Variants in SUMF1 observed in about 807,000 individuals in gnomAD.
The protein encoded by SUMF1 is sulfatase modifying factor 1.
A neutral mutation model predicts 47.6 loss-of-function variants in SUMF1; 48 were observed. The observed-to-expected ratio is 1.01, with a 90% confidence interval of 0.80 to 1.28. The LOEUF is 1.28. Ranked by LOEUF, SUMF1 falls within the 50% of genes most tolerant of loss-of-function variation. The pLI is 0.00. For synonymous variants in SUMF1, 230 were observed against 192.1 expected (o/e 1.20, Z -1.63); for missense variants, 571 against 485.4 (o/e 1.18, Z -1.66).
At chr3:4,162,281 A>T (rs565091358) in intron 8 of SUMF1, among the ~76,000 whole-genome samples, 1 of 152,190 alleles carries the variant, frequency 6.6e-6, no homozygotes, top group South Asian at 2.1e-4. Flanking sequence ...AGGTTGGGGG[A>T]GGAGTGGTAA....
In SUMF1 at chr3:4,366,361, C is replaced by A. The variant is rs186585775; in HGVS notation, c.1015-4107G>T. ...GTCACTTTCAGGTACACCCATCAGA[C>A]GTAGATTTGGTCTTTTCACATAGTC... is the stretch of plus-strand genomic sequence containing the variant. On this transcript the variant is annotated intron_variant, in intron 8 of 8. Coordinates refer to ENST00000272902, the MANE Select transcript of SUMF1 (RefSeq NM_182760.4). Among the ~76,000 whole-genome samples the A allele has an allele frequency of 6.5e-4, 99 of 152,284 alleles. 1 individual carries two copies. In the South Asian group the frequency reaches 0.02, roughly 31 times the overall value.
At chr3:4,035,268 C>T (rs918535373) in intron 9 of SUMF1, among the ~76,000 whole-genome samples, 2 of 152,120 alleles carry the variant, frequency 1.3e-5, no homozygotes, top group Non-Finnish European at 2.9e-5. Context: ...GGCTGGAAGT[C>T]TGAAATCAAG....
intron 8 of SUMF1, among the ~76,000 whole-genome samples, chr3:4,219,751 A>G (rs1381853108): frequency 6.6e-6 from 1 of 152,146 alleles, no homozygotes; most frequent in African/African-American, 2.4e-5. Flanking sequence ...TTAAAAATAT[A>G]AATTCCTGGG....
chr3:4,424,990 C>CAGAT (rs1421153333), intron 3 of SUMF1, among the ~76,000 whole-genome samples: 1 of 152,194 alleles, frequency 6.6e-6, no homozygotes, highest in Non-Finnish European at 1.5e-5. Flanking sequence ...CTCTACCCAC[C>CAGAT]AGATGCCAGT....
chr3:4,156,100 G>A (rs749140525), intron 8 of SUMF1, among the ~76,000 whole-genome samples: 3 of 151,488 alleles, frequency 2.0e-5, no homozygotes, highest in Non-Finnish European at 4.4e-5. Flanking sequence ...ACAGCAAAAT[G>A]CCATTGCCTT....
intron 2 of SUMF1, among the ~76,000 whole-genome samples, chr3:4,450,387 C>T (rs914126326): frequency 3.9e-5 from 6 of 152,152 alleles, no homozygotes; most frequent in Non-Finnish European, 8.8e-5. Context: ...GTACTGGATC[C>T]TTATATTGCA....
intron 8 of SUMF1, among the ~76,000 whole-genome samples, chr3:4,129,363 T>C (rs1693731696): frequency 6.6e-6 from 1 of 152,124 alleles, no homozygotes; most frequent in Non-Finnish European, 1.5e-5. Flanking sequence ...GTTCTGGCAT[T>C]GGCTAATCAA....
intron 8 of SUMF1, among the ~76,000 whole-genome samples, chr3:4,178,909 A>C (rs951953229): frequency 6.6e-6 from 1 of 152,192 alleles, no homozygotes; most frequent in Non-Finnish European, 1.5e-5. Context: ...AGACAAACAA[A>C]GAGCCAAATC....
chr3:4,165,328 G>A (rs114062960), intron 8 of SUMF1, among the ~76,000 whole-genome samples: 241 of 152,200 alleles, frequency 1.6e-3, no homozygotes, highest in South Asian at 3.5e-3. Flanking sequence ...ACATATACCC[G>A]GGTTGGGCTA....
At chr3:4,059,936 A>G (rs59308122) in intron 9 of SUMF1, among the ~76,000 whole-genome samples, 34,237 of 152,112 alleles carry the variant, frequency 0.23, 4,833 homozygotes, top group Middle Eastern at 0.32. Flanking sequence ...GTCCTGTAGC[A>G]AGAGGGACCA....
intron 8 of SUMF1, among the ~76,000 whole-genome samples, chr3:4,367,317 C>G (rs530783249): frequency 6.6e-6 from 1 of 152,146 alleles, no homozygotes; most frequent in Non-Finnish European, 1.5e-5. Context: ...GTGCCCTGCC[C>G]CCAGAGGTGG....
At chr3:4,152,929 A>T (rs2125106995) in intron 8 of SUMF1, among the ~76,000 whole-genome samples, 2 of 151,670 alleles carry the variant, frequency 1.3e-5, no homozygotes, top group South Asian at 4.1e-4. Context: ...CCTGGCAGAG[A>T]TATTTGGTAT....
At chr3:4,372,233 G>A (rs965916868) in intron 8 of SUMF1, among the ~76,000 whole-genome samples, 9 of 152,014 alleles carry the variant, frequency 5.9e-5, no homozygotes, top group South Asian at 4.1e-4. Context: ...CCTGGGAGGC[G>A]GACATTGCAG....
chr3:4,111,277 ATTGGTT>A (rs1693299784), intron 8 of SUMF1, among the ~76,000 whole-genome samples: 1 of 152,060 alleles, frequency 6.6e-6, no homozygotes, highest in South Asian at 2.1e-4. Context: ...TCAATCCATG[ATTGGTT>A]GAAAAAGGTC....
In SUMF1 at chr3:4,166,421, G is replaced by C. The variant is rs550532085; in HGVS notation, c.1015-97676C>G. ...TGAATAGCCTTTGTTAGGCCTGCTA[G>C]TCTGAGAAGGGATCCTAAAATTCCA... On this transcript the variant is annotated intron_variant and NMD_transcript_variant, in intron 8 of 12. Transcript: ENST00000448413. 2.6e-5 allele frequency among the ~76,000 whole-genome samples: 4 copies of C among 152,234 alleles called. 1 individual carries two copies. Among genetic ancestry groups the C allele is most frequent in the African/African-American group, 7.2e-5 (3 of 41,518 alleles).
At chr3:4,229,755 T>TTTGGGTAG (rs1696255689) in intron 8 of SUMF1, among the ~76,000 whole-genome samples, 1 of 152,190 alleles carries the variant, frequency 6.6e-6, no homozygotes, top group East Asian at 1.9e-4. Context: ...GGCTCATGTC[T>TTTGGGTAG]CTAATCCCAG....
chr3:4,320,814 A>C (rs1029566755), intron 8 of SUMF1, among the ~76,000 whole-genome samples: 5 of 152,198 alleles, frequency 3.3e-5, no homozygotes, highest in Non-Finnish European at 5.9e-5. Flanking sequence ...AACTTCCCTC[A>C]GTCAGAGAAG....
intron 8 of SUMF1, chr3:4,314,002 A>C: frequency 1.5e-6 from 1 of 662,512 alleles, no homozygotes; most frequent in East Asian, 2.8e-5. Context: ...AGTTAATAGG[A>C]TATAAGCAAA....
intron 8 of SUMF1, among the ~76,000 whole-genome samples, chr3:4,340,333 C>T (rs539951562): frequency 1.3e-5 from 2 of 152,296 alleles, no homozygotes; most frequent in East Asian, 3.9e-4. Context: ...ATTGTGCTTA[C>T]CACTTGCTGC....
Sources: allele counts gnomAD v4.1 joint callset (sites outside exome capture counted in the v4.1 genomes callset), GRCh38; gene constraint gnomAD v4.1.1; transcripts MANE v1.5; gene names NCBI Gene and HGNC (gene_info 2026-07-23, HGNC 2026-07-21).